The following LMX1A variants were observed in gnomAD, a reference collection of about 807,000 sequenced individuals.
The protein encoded by LMX1A is LIM homeobox transcription factor 1 alpha.
A neutral mutation model predicts 49.1 loss-of-function variants in LMX1A; 15 were observed. The observed-to-expected ratio is 0.31, with a 90% CI of 0.20 to 0.47. The LOEUF (loss-of-function observed/expected upper bound fraction) is 0.47, where lower values mean the gene tolerates loss of function less well. Ranked by LOEUF, LMX1A falls within the 20% of genes least tolerant of loss-of-function variation. LMX1A has a pLI of 1.00. For synonymous variants in LMX1A, 167 were observed against 185.7 expected (o/e 0.90, Z 0.82); for missense variants, 372 against 475.8 (o/e 0.78, Z 2.03).
chr1:165,204,402 CAA>C (rs536267965), intron 8 of LMX1A, among the ~76,000 whole-genome samples: 1 of 151,874 alleles, frequency 6.6e-6, no homozygotes, highest in African/African-American at 2.4e-5. Context: ...AACCAACAAA[CAA>C]AAAAACAAAA....
chr1:165,230,657 C>T (rs751824485), intron 4 of LMX1A, among the ~76,000 whole-genome samples: 9 of 152,234 alleles, frequency 5.9e-5, no homozygotes, highest in East Asian at 1.9e-4. Context: ...AACAGCACAG[C>T]GTCTGAGAAT....
At chr1:165,231,329 G>T (rs12565720) in intron 4 of LMX1A, among the ~76,000 whole-genome samples, 16,097 of 151,634 alleles carry the variant, frequency 0.11, 1,100 homozygotes, top group Admixed American at 0.14. Flanking sequence ...TGGAGACAGG[G>T]TCGCAACTCT....
intron 3 of LMX1A, among the ~76,000 whole-genome samples, chr1:165,322,982 G>C (rs1278912520): frequency 1.3e-5 from 2 of 151,974 alleles, no homozygotes; most frequent in African/African-American, 4.8e-5. Context: ...AACACAATTT[G>C]CTGATTCCAA....
In LMX1A at chr1:165,355,208, C is replaced by A. The variant is rs1656565899; in HGVS notation, c.76+276G>T. 6.6e-6 allele frequency among the ~76,000 whole-genome samples: 1 copy of A among 152,102 alleles called. No homozygotes were observed. Among genetic ancestry groups the A allele is most frequent in the Non-Finnish European group, 1.5e-5 (1 of 68,030 alleles). On this transcript the variant is annotated intron_variant, in intron 2 of 8. Transcript: ENST00000342310. This position sits in a 1 kb window ranked among gnomAD's most constrained non-coding sequence, Gnocchi z 4.7. The stretch of plus-strand genomic sequence containing the variant: ...AAATCCAGCCCTGGGTATTTTTAAT[C>A]ACTTGCCACTCAGACGCCTACGAAC...
chr1:165,255,878 C>T (rs1205565989), intron 3 of LMX1A, among the ~76,000 whole-genome samples: 1 of 151,956 alleles, frequency 6.6e-6, no homozygotes. Flanking sequence ...GAGGCTGAGG[C>T]AGGAGAATCG....
At chr1:165,319,152 T>C (rs536080982) in intron 3 of LMX1A, among the ~76,000 whole-genome samples, 26 of 152,232 alleles carry the variant, frequency 1.7e-4, no homozygotes, top group African/African-American at 6.3e-4. Context: ...CATTTTCCCT[T>C]AAAATCCAGG....
rs553925894 is a variant in LMX1A at position 165,203,951 on chromosome 1, G to C, written c.1078C>G (p.Pro360Ala). ...GGGTTTCCCACTCTGGACTGCAGAGGCCCAGCTTCTGAGGTTGCTAGGAAA... is the reference window on the plus strand; with the variant it reads ...GGGTTTCCCACTCTGGACTGCAGAGCCCCAGCTTCTGAGGTTGCTAGGAAA... ...DCFLATSEAG[P>A]LQSRVGNPID... The change falls in exon 9 of 9, where the codon CCT becomes GCT. Residue 360 changes from proline to alanine, a missense_variant. Pro to Ala is a conservative substitution (Grantham distance 27). Coordinates refer to ENST00000342310, the MANE Select transcript of LMX1A (RefSeq NM_177398.4). The C allele has an allele frequency of 6.2e-7, 1 of 1,614,008 alleles. No homozygotes were observed. The highest frequency in any genetic ancestry group is 1.3e-5 in the African/African-American group (1 of 75,036).
At chr1:165,350,173 C>CAAAAAAAAAAAAA (rs60150264) in intron 3 of LMX1A, among the ~76,000 whole-genome samples, 1 of 80,210 alleles carries the variant, frequency 1.2e-5, no homozygotes, top group Non-Finnish European at 2.3e-5. Flanking sequence ...AAAGATCCAC[C>CAAAAAAAAAAAAA]AAAAAAAAAA....
intron 3 of LMX1A, among the ~76,000 whole-genome samples, chr1:165,346,814 A>G (rs1307970544): frequency 3.9e-5 from 6 of 152,106 alleles, no homozygotes; most frequent in Non-Finnish European, 7.3e-5. Flanking sequence ...CAGTGTTTAC[A>G]CCTCCTTTTT....
At chr1:165,273,056 A>T (rs984692709) in intron 3 of LMX1A, among the ~76,000 whole-genome samples, 3 of 152,154 alleles carry the variant, frequency 2.0e-5, no homozygotes, top group Admixed American at 2.0e-4. Flanking sequence ...CCAGCTGGAG[A>T]CATGAACGGG....
At chr1:165,264,998 T>A (rs1653574126) in intron 3 of LMX1A, among the ~76,000 whole-genome samples, 1 of 151,804 alleles carries the variant, frequency 6.6e-6, no homozygotes, top group Non-Finnish European at 1.5e-5. Flanking sequence ...GGCCAGGAGA[T>A]CAAGACCATC....
intron 3 of LMX1A, among the ~76,000 whole-genome samples, chr1:165,307,386 C>T (rs192129400): frequency 6.6e-6 from 1 of 152,246 alleles, no homozygotes; most frequent in African/African-American, 2.4e-5. Context: ...GATGACATTC[C>T]ACAAGCATTC....
chr1:165,329,147 G>A (rs180950556), intron 3 of LMX1A, among the ~76,000 whole-genome samples: 1 of 152,310 alleles, frequency 6.6e-6, no homozygotes, highest in Non-Finnish European at 1.5e-5. Flanking sequence ...TGTCTTACAT[G>A]CTGGCAGGTG....
chr1:165,267,443 G>A lies in LMX1A; in HGVS notation c.264-17803C>T, dbSNP rs534905882. On this transcript the variant is annotated intron_variant, in intron 3 of 8. Transcript: ENST00000342310. ...TCCAATCATCCATTCATGCACATTTGTGCTGTTTCCACCTTTTGTCATGAA... is the reference window on the plus strand; with the variant it reads ...TCCAATCATCCATTCATGCACATTTATGCTGTTTCCACCTTTTGTCATGAA... Among the ~76,000 whole-genome samples, 7 of 152,200 alleles carry A rather than the reference G, an allele frequency of 4.6e-5. No homozygotes were observed. In the South Asian group the frequency reaches 1.2e-3, roughly 27 times the overall value.
chr1:165,254,083 C>G (rs1474504921), intron 3 of LMX1A, among the ~76,000 whole-genome samples: 1 of 152,152 alleles, frequency 6.6e-6, no homozygotes, highest in African/African-American at 2.4e-5. Flanking sequence ...CTCCCCTTCC[C>G]CTGGAATTAA....
chr1:165,308,161 T>C (rs1165472901), intron 3 of LMX1A, among the ~76,000 whole-genome samples: 1 of 152,228 alleles, frequency 6.6e-6, no homozygotes, highest in African/African-American at 2.4e-5. Context: ...ACACTGATGC[T>C]ATCGTATTCA....
chr1:165,353,413 C>G, intron 2 of LMX1A, 151 bp from the exon 3 acceptor site: 1 of 627,866 alleles, frequency 1.6e-6, no homozygotes. Context: ...CAAGCTGAAA[C>G]CTGGAAAAAA....
intron 4 of LMX1A, among the ~76,000 whole-genome samples, chr1:165,214,510 T>C (rs1244968522): frequency 6.6e-6 from 1 of 152,244 alleles, no homozygotes; most frequent in African/African-American, 2.4e-5. Context: ...GAGGATCTAC[T>C]TCATTGGGGT....
chr1:165,259,130 T>G (rs1212236305), intron 3 of LMX1A, among the ~76,000 whole-genome samples: 1 of 152,222 alleles, frequency 6.6e-6, no homozygotes, highest in Non-Finnish European at 1.5e-5. Flanking sequence ...AAAATAGAAC[T>G]TTATATGTAT....
Sources: allele counts gnomAD v4.1 joint callset (sites outside exome capture counted in the v4.1 genomes callset), GRCh38; gene constraint gnomAD v4.1.1; non-coding constraint Gnocchi (gnomAD v3.1); transcripts MANE v1.5; gene names NCBI Gene and HGNC (gene_info 2026-07-23, HGNC 2026-07-21).